GAPVD1: variants seen among roughly 807,000 people sequenced by gnomAD.
The protein encoded by GAPVD1 is GTPase-activating protein and VPS9 domain-containing protein 1.
A neutral mutation model predicts 155.5 loss-of-function variants in GAPVD1; 35 were observed. The ratio of observed to expected loss-of-function variants is 0.23; its 90% CI spans 0.17 to 0.30. GAPVD1 has a LOEUF of 0.30. Ranked by LOEUF, GAPVD1 falls within the 10% of genes least tolerant of loss-of-function variation. The pLI, the probability that GAPVD1 is intolerant of heterozygous loss-of-function variation, is 1.00. For synonymous variants in GAPVD1, 636 were observed against 619.7 expected (o/e 1.03, Z -0.39); for missense variants, 1,429 against 1,775.7 (o/e 0.80, Z 3.51).
chr9:125,265,052 C>G (rs1789802403), intron 1 of GAPVD1, among the ~76,000 whole-genome samples: 1 of 152,110 alleles, frequency 6.6e-6, no homozygotes, highest in African/African-American at 2.4e-5. Flanking sequence ...AAAATTATTT[C>G]CCAGCACTAT....
intron 23 of GAPVD1, among the ~76,000 whole-genome samples, 148 bp from the exon 24 acceptor site, chr9:125,354,497 CTACTTTGTA>C (rs1849774711): frequency 6.6e-6 from 1 of 152,190 alleles, no homozygotes; most frequent in African/African-American, 2.4e-5. Context: ...GCCTGACATG[CTACTTTGTA>C]TATGTGCTAC....
intron 15 of GAPVD1, among the ~76,000 whole-genome samples, chr9:125,336,310 AAAC>A (rs1411215160): frequency 6.6e-6 from 1 of 151,624 alleles, no homozygotes; most frequent in Non-Finnish European, 1.5e-5. Flanking sequence ...AAAAAACAAA[AAAC>A]AAAAAATAGC....
intron 20 of GAPVD1, among the ~76,000 whole-genome samples, chr9:125,348,595 C>T (rs1306003648): frequency 6.6e-6 from 1 of 152,110 alleles, no homozygotes; most frequent in East Asian, 1.9e-4. Flanking sequence ...TCACTGCAAC[C>T]TCCACCTCCC....
chr9:125,298,984 C>G lies in GAPVD1; in HGVS notation c.63C>G (p.Asn21Lys). Reference sequence around the variant, plus strand: ...TCAAGCAGGAACGCTTATATGTAAACTCTGAGAAACAGCTCATTCAGAGGC... The same window carrying G: ...TCAAGCAGGAACGCTTATATGTAAAGTCTGAGAAACAGCTCATTCAGAGGC... Reference protein sequence around the residue: ...HHLKQERLYVNSEKQLIQRLN... With the variant: ...HHLKQERLYVKSEKQLIQRLN... The change falls in exon 4 of 28, where the codon AAC becomes AAG. Residue 21 changes from asparagine (N) to lysine (K), a missense_variant. Coordinates refer to ENST00000297933, the MANE Select transcript of GAPVD1 (RefSeq NM_001282680.3). 1 of 1,611,866 alleles carries G rather than the reference C, an allele frequency of 6.2e-7. No individual in the cohort carries two copies. The highest frequency in any genetic ancestry group is 8.5e-7 in the Non-Finnish European group (1 of 1,178,066).
At chr9:125,333,936 A>C (rs1846476614) in intron 15 of GAPVD1, among the ~76,000 whole-genome samples, 3 of 152,148 alleles carry the variant, frequency 2.0e-5, no homozygotes, top group African/African-American at 7.2e-5. Context: ...GGCCCCTACC[A>C]GTAGTATATG....
At chr9:125,269,606 G>A (rs1834546613) in intron 2 of GAPVD1, among the ~76,000 whole-genome samples, 1 of 149,004 alleles carries the variant, frequency 6.7e-6, no homozygotes, top group Non-Finnish European at 1.5e-5. Context: ...TATATTTTTA[G>A]TAGAGACAAG....
chr9:125,276,783 C>G (rs976805143), intron 2 of GAPVD1, among the ~76,000 whole-genome samples: 1 of 152,114 alleles, frequency 6.6e-6, no homozygotes, highest in Non-Finnish European at 1.5e-5. Flanking sequence ...TGTTTTGAGA[C>G]AGGGCCTCGC....
chr9:125,278,323 C>CCAGT (rs902259472), intron 2 of GAPVD1, among the ~76,000 whole-genome samples: 2 of 151,720 alleles, frequency 1.3e-5, no homozygotes, highest in African/African-American at 4.8e-5. Flanking sequence ...GAGTTGGAGA[C>CCAGT]CAGTCTGGCC....
At chr9:125,330,009 T>C (rs951654161) in intron 12 of GAPVD1, 69 bp from the exon 13 acceptor site, 16 of 1,347,462 alleles carry the variant, frequency 1.2e-5, no homozygotes, top group Non-Finnish European at 1.6e-5. Context: ...AGTGTTTGGC[T>C]TTTCTCCACT....
intron 2 of GAPVD1, among the ~76,000 whole-genome samples, chr9:125,289,077 T>C (rs1428116649): frequency 2.0e-5 from 3 of 152,100 alleles, no homozygotes; most frequent in Non-Finnish European, 4.4e-5. Flanking sequence ...GAGAGAGTAA[T>C]AGAGTGACTA....
chr9:125,275,894 A>C (rs1179443719), intron 2 of GAPVD1, among the ~76,000 whole-genome samples: 1 of 152,240 alleles, frequency 6.6e-6, no homozygotes, highest in African/African-American at 2.4e-5. Flanking sequence ...CATATTAGCT[A>C]TTCATGTGTA....
At chr9:125,329,014 TCGG>T (rs1230683511) in intron 12 of GAPVD1, among the ~76,000 whole-genome samples, 40 of 142,968 alleles carry the variant, frequency 2.8e-4, no homozygotes, top group Non-Finnish European at 5.7e-4. Context: ...TCGCAGGCAC[TCGG>T]CAGGCTGAGG....
chr9:125,319,379 AT>A (rs869251634), intron 9 of GAPVD1, among the ~76,000 whole-genome samples: 2 of 148,166 alleles, frequency 1.3e-5, no homozygotes, highest in African/African-American at 2.5e-5. Flanking sequence ...TCTTAAAAAA[AT>A]TTTTTTTAAT....
At chr9:125,291,216 G>A (rs920030368) in intron 2 of GAPVD1, among the ~76,000 whole-genome samples, 15 of 152,152 alleles carry the variant, frequency 9.9e-5, no homozygotes, top group African/African-American at 3.6e-4. Context: ...TTGAGCCTGG[G>A]AGGTTGTGGC....
chr9:125,350,797 A>G lies in GAPVD1; in HGVS notation c.3494A>G (p.Glu1165Gly). The G allele has an allele frequency of 6.2e-7, 1 of 1,612,738 alleles. No homozygotes were observed. Among genetic ancestry groups the G allele is most frequent in the Non-Finnish European group, 8.5e-7 (1 of 1,178,704 alleles). The change falls in exon 23 of 28, where the codon GAA becomes GGA. Residue 1165 changes from glutamate to glycine, a missense_variant. By Grantham distance (98) the Glu-to-Gly change is moderately conservative (BLOSUM62 -2). This residue lies in a region of GAPVD1 where 699 missense variants were observed against 826.0 expected (regional missense o/e 0.85). Transcript: ENST00000297933. ...QDKNLMAQLQ[E>G]TMRCVCRFDN... ...AAGAATCTAATGGCTCAACTTCAAG[A>G]AACAATGCGCTGTGTGTGCCGTTTT...
intron 3 of GAPVD1, among the ~76,000 whole-genome samples, chr9:125,296,520 A>C (rs1432675815): frequency 6.8e-6 from 1 of 147,580 alleles, no homozygotes; most frequent in African/African-American, 2.5e-5. Flanking sequence ...ATGCCCGGCT[A>C]ATTTTGTGTT....
chr9:125,321,655 C>A (rs1477703341), intron 10 of GAPVD1, 93 bp downstream of exon 10: 4 of 1,141,708 alleles, frequency 3.5e-6, no homozygotes, highest in Non-Finnish European at 5.0e-6. Flanking sequence ...ATTATACCAT[C>A]TGTGCTTCTC....
At chr9:125,334,455 A>T (rs919328474) in intron 15 of GAPVD1, among the ~76,000 whole-genome samples, 1 of 152,176 alleles carries the variant, frequency 6.6e-6, no homozygotes, top group Non-Finnish European at 1.5e-5. Flanking sequence ...AGAAGCACTT[A>T]TGGATTATTT....
chr9:125,349,583 C>T, intron 21 of GAPVD1, 64 bp downstream of exon 21: 1 of 1,400,462 alleles, frequency 7.1e-7, no homozygotes, highest in South Asian at 1.2e-5. Context: ...GCAGTCACGT[C>T]AAGTCAAGTG....
Sources: gnomAD v4.1 joint callset for allele counts (sites outside exome capture counted in the v4.1 genomes callset) on GRCh38, gnomAD v4.1.1 for gene constraint, gnomAD v4.1.1 regional missense constraint, MANE v1.5 for transcripts, NCBI Gene and HGNC (gene_info 2026-07-23, HGNC 2026-07-21) for gene names.